Variants in OR7E24 observed in about 807,000 individuals in gnomAD.
OR7E24 encodes the protein olfactory receptor family 7 subfamily E member 24, also known as olfactory receptor 7E24.
For synonymous variants in OR7E24, 130 were observed against 157.5 expected (o/e 0.83, Z 1.31); for missense variants, 385 against 410.3 (o/e 0.94, Z 0.53).
the OR7E24 span, chr19:9,211,380 GA>G: frequency 6.6e-6 from 1 of 152,222 alleles, no homozygotes; most frequent in Non-Finnish European, 1.5e-5. Context: ...AGGCTGCAAA[GA>G]TCAGCAGTTT....
At chr19:9,222,435 G>C in the OR7E24 span, among the ~76,000 whole-genome samples, 1 of 152,244 alleles carries the variant, frequency 6.6e-6, no homozygotes, top group East Asian at 1.9e-4. Context: ...TCATGAACAT[G>C]GGATATCTTT....
At chr19:9,214,710 A>G in the OR7E24 span, 1 of 1,614,128 alleles carries the variant, frequency 6.2e-7, no homozygotes, top group Non-Finnish European at 8.5e-7. Context: ...AATGATGAGC[A>G]GGTTCCCCAG....
chr19:9,214,801 G>T, the OR7E24 span: 17 of 1,610,836 alleles, frequency 1.1e-5, no homozygotes, highest in Non-Finnish European at 1.3e-5. Context: ...CCCAGGAGGA[G>T]AAATTTTGAT....
At chr19:9,236,128 CA>C in the OR7E24 span, 2 of 986,118 alleles carry the variant, frequency 2.0e-6, no homozygotes, top group Non-Finnish European at 3.1e-6. Context: ...GTCCCTTAAG[CA>C]AATGTGAATG....
upstream of OR7E24, among the ~76,000 whole-genome samples, chr19:9,244,295 A>C (rs2066123613): frequency 6.6e-6 from 1 of 152,246 alleles, no homozygotes; most frequent in Non-Finnish European, 1.5e-5. Flanking sequence ...GTTTCCAAAT[A>C]AACTACAAAG....
chr19:9,237,915 A>G, the OR7E24 span, among the ~76,000 whole-genome samples: 1 of 152,180 alleles, frequency 6.6e-6, no homozygotes, highest in Non-Finnish European at 1.5e-5. Flanking sequence ...AAGCTGGCAC[A>G]TTGAACATTT....
the OR7E24 span, chr19:9,206,895 A>C: frequency 6.6e-6 from 1 of 152,208 alleles, no homozygotes; most frequent in African/African-American, 2.4e-5. Context: ...GGAGCTTACA[A>C]ATGATGATGG....
chr19:9,230,068 G>T, the OR7E24 span, among the ~76,000 whole-genome samples: 5 of 146,928 alleles, frequency 3.4e-5, no homozygotes, highest in South Asian at 4.3e-4. Context: ...TTTTGAGACA[G>T]AATTTTGCTC....
chr19:9,224,197 G>A, the OR7E24 span, among the ~76,000 whole-genome samples: 1 of 152,000 alleles, frequency 6.6e-6, no homozygotes. Context: ...CTCTGGTCCT[G>A]TTTGGGTTCA....
chr19:9,232,479 A>C, the OR7E24 span, among the ~76,000 whole-genome samples: 1 of 143,506 alleles, frequency 7.0e-6, no homozygotes, highest in Non-Finnish European at 1.5e-5. Flanking sequence ...CGGAGGTTGC[A>C]GTGAGCCAAG....
chr19:9,235,969 G>C, the OR7E24 span: 1 of 1,610,278 alleles, frequency 6.2e-7, no homozygotes, highest in Admixed American at 1.7e-5. Context: ...CATGGCCTCA[G>C]TGATGTACGC....
the OR7E24 span, chr19:9,235,442 A>T: frequency 1.2e-6 from 2 of 1,606,814 alleles, no homozygotes; most frequent in African/African-American, 2.7e-5. Context: ...TGCCTCACTC[A>T]GGTGTATTTT....
the OR7E24 span, among the ~76,000 whole-genome samples, chr19:9,237,363 T>G: frequency 2.0e-5 from 3 of 152,224 alleles, no homozygotes; most frequent in East Asian, 5.8e-4. Context: ...CAGGCTGGAG[T>G]GCAGTGGCAC....
the OR7E24 span, among the ~76,000 whole-genome samples, chr19:9,221,343 T>C: frequency 2.2e-4 from 9 of 40,352 alleles, no homozygotes; most frequent in African/African-American, 2.1e-3. Flanking sequence ...TTTTGCCCTT[T>C]TTTTTTTTTT....
At chr19:9,227,792 C>T in the OR7E24 span, among the ~76,000 whole-genome samples, 1 of 120,910 alleles carries the variant, frequency 8.3e-6, no homozygotes, top group African/African-American at 3.3e-5. Context: ...CTCGCTCTGT[C>T]GCCCAGGCTG....
chr19:9,237,945 T>C, the OR7E24 span, among the ~76,000 whole-genome samples: 32 of 152,274 alleles, frequency 2.1e-4, no homozygotes, highest in East Asian at 6.2e-3. Flanking sequence ...TATAAAGTTC[T>C]AGTATCTCCA....
chr19:9,211,433 G>T, the OR7E24 span: 2 of 152,204 alleles, frequency 1.3e-5, no homozygotes, highest in South Asian at 4.1e-4. Context: ...AAGAATTAGG[G>T]TCTTATCCAA....
the OR7E24 span, among the ~76,000 whole-genome samples, chr19:9,241,375 C>T: frequency 1.3e-5 from 2 of 152,178 alleles, no homozygotes; most frequent in East Asian, 3.8e-4. Flanking sequence ...TGCTCATGAA[C>T]ATTCAGTTCC....
At chr19:9,241,462 G>A in the OR7E24 span, among the ~76,000 whole-genome samples, 3 of 152,122 alleles carry the variant, frequency 2.0e-5, no homozygotes, top group Non-Finnish European at 2.9e-5. Flanking sequence ...TTAGGCAAAT[G>A]TGAATTTAAA....
Sources: allele counts gnomAD v4.1 joint callset (sites outside exome capture counted in the v4.1 genomes callset), GRCh38; gene constraint gnomAD v4.1.1; transcripts MANE v1.5; gene names NCBI Gene and HGNC (gene_info 2026-07-23, HGNC 2026-07-21).